The following TTN variants were observed in gnomAD, a reference collection of about 807,000 sequenced individuals.
TTN encodes connectin.
Under a neutral mutation model 3,223.0 loss-of-function variants are expected in TTN, and 1,525 were observed. That is an observed-to-expected ratio of 0.47 (90% CI 0.45 to 0.49). The LOEUF (loss-of-function observed/expected upper bound fraction) is 0.49, where lower values mean the gene tolerates loss of function less well. Among genes scored for constraint, TTN ranks in the 20% least tolerant of loss-of-function variants. The pLI, the probability that TTN is intolerant of heterozygous loss-of-function variation, is 0.00. For synonymous variants in TTN, 14,094 were observed against 15,161.0 expected (o/e 0.93, Z 5.17); for missense variants, 40,786 against 43,424.0 (o/e 0.94, Z 5.40).
At position 178,612,115 on chromosome 2, in the gene TTN, G is replaced by C; in HGVS notation, c.50296C>G (p.Arg16766Gly). 6.2e-7 allele frequency: 1 copy of C among 1,611,924 alleles called. No homozygotes were observed. The highest frequency in any genetic ancestry group is 2.2e-5 in the East Asian group (1 of 44,512). The change falls in exon 267 of 363, where the codon CGA becomes GGA. Residue 16766 changes from arginine to glycine, a missense_variant. Coordinates refer to ENST00000589042, the MANE Select transcript of TTN (RefSeq NM_001267550.2). ...GGCTCCCACTTTAGGTCAACATGTCGTTTTGTCACATCAACCACTGCCAGG... is the reference window on the plus strand; with the variant it reads ...GGCTCCCACTTTAGGTCAACATGTCCTTTTGTCACATCAACCACTGCCAGG... Reference protein sequence around the residue: ...YALAVVDVTKRHVDLKWEPPK... With the variant: ...YALAVVDVTKGHVDLKWEPPK...
intron 260 of TTN, 32 bp downstream of exon 260, chr2:178,614,797 GATTTAAGGTCAGAGGCCT>G: frequency 6.3e-7 from 1 of 1,598,008 alleles, no homozygotes; most frequent in Non-Finnish European, 8.5e-7. Context: ...AGTTCAAGCA[GATTTAAGGTCAGAGGCCT>G]ATTTGATAAG....
At position 178,535,772 on chromosome 2, in the gene TTN, T is replaced by C; in HGVS notation, c.100843A>G (p.Ile33615Val). The C allele has an allele frequency of 6.2e-7, 1 of 1,613,196 alleles. No individual in the cohort carries two copies. The highest frequency in any genetic ancestry group is 8.5e-7 in the Non-Finnish European group (1 of 1,179,720). ...GGTTTGCCACTGAAAGGAATCTTGA[T>C]GCTGACCACTTCACCTCGGAGAGCA... is the stretch of plus-strand genomic sequence containing the variant. ...VHALRGEVVS[I>V]KIPFSGKPDP... The change falls in exon 358 of 363, where the codon ATC becomes GTC. Residue 33615 changes from isoleucine to valine, a missense_variant. By Grantham distance (29) the Ile-to-Val change is conservative. Transcript: ENST00000589042.
In TTN at chr2:178,595,487, A is replaced by AC; in HGVS notation, c.57847+19_57847+20insG. ...TGAGTAAAGAAGTGATTAAGTATAC[A>AC]TTTTTTTTTTTTTACTTACTTATTG... On this transcript the variant is annotated intron_variant, in intron 295 of 362. Transcript: ENST00000589042. 1 of 1,241,378 alleles carries AC rather than the reference A, an allele frequency of 8.1e-7. No individual in the cohort carries two copies. The highest frequency in any genetic ancestry group is 1.1e-6 in the Non-Finnish European group (1 of 895,440). 76.9% of individuals were successfully genotyped at this position (1,241,378 alleles called of 1,614,324 possible).
rs1478154140 is a variant in TTN, at chr2:178,694,925, A to C, written c.31271-19T>G. Reference sequence around the variant, plus strand: ...TTTATAACTGCAAGCATTTTAGAGAAATTGCAGTACTTTTAGAATTCCTAT... The same window carrying C: ...TTTATAACTGCAAGCATTTTAGAGACATTGCAGTACTTTTAGAATTCCTAT... On this transcript the variant is annotated intron_variant, in intron 115 of 362. Transcript: ENST00000589042. 6.7e-7 allele frequency: 1 copy of C among 1,500,558 alleles called. No individual in the cohort carries two copies. Among genetic ancestry groups the C allele is most frequent in the East Asian group, 2.4e-5 (1 of 40,854 alleles). The allele number at this position is 1,500,558 out of a possible 1,614,324, so 93.0% of individuals were successfully genotyped here.
At position 178,552,834 on chromosome 2, in the gene TTN, T is replaced by C. The variant is rs879101681; in HGVS notation, c.90066A>G (p.Thr30022=). 6.2e-7 allele frequency: 1 copy of C among 1,613,758 alleles called. No homozygotes were observed. Among genetic ancestry groups the C allele is most frequent in the African/African-American group, 1.3e-5 (1 of 74,944 alleles). The part of the protein sequence containing the change: ...EIGIGEPCET[T]EPVKAAEVPA... ...GTACTTCAGCAGCCTTCACTGGCTC[T>C]GTAGTTTCACAGGGTTCCCCAATTC... Residue 30022 remains threonine, a synonymous_variant, in exon 335 of 363, where the codon ACA becomes ACG. Coordinates refer to ENST00000589042, the MANE Select transcript of TTN (RefSeq NM_001267550.2).
rs990374887 is a variant in TTN, at chr2:178,540,215, T to C, written c.97951A>G (p.Asn32651Asp). The part of the protein sequence containing the change: ...KVDQHEWTKC[N>D]TTPTKIREYT... ...TCTCGAATCTTGGTTGGAGTGGTGT[T>C]ACACTTGGTCCATTCATGTTGATCT... The change falls in exon 351 of 363, where the codon AAC becomes GAC. Residue 32651 changes from asparagine to aspartate, a missense_variant. Coordinates refer to ENST00000589042, the MANE Select transcript of TTN (RefSeq NM_001267550.2). 3 of 1,613,810 alleles carry C rather than the reference T, an allele frequency of 1.9e-6. No individual in the cohort carries two copies. Among genetic ancestry groups the C allele is most frequent in the Non-Finnish European group, 2.5e-6 (3 of 1,179,762 alleles).
rs759654688 is a variant in TTN, at chr2:178,546,708, G to A, written c.94720C>T (p.Leu31574Phe). 2 of 1,613,824 alleles carry A rather than the reference G, an allele frequency of 1.2e-6. No homozygotes were observed. Among genetic ancestry groups the A allele is most frequent in the Admixed American group, 3.3e-5 (2 of 60,006 alleles). The change falls in exon 341 of 363, where the codon CTC becomes TTC. Residue 31574 changes from leucine (L) to phenylalanine (F), a missense_variant. Leu to Phe is a conservative substitution (Grantham distance 22, BLOSUM62 0). Transcript: ENST00000589042. Reference sequence around the variant, plus strand: ...AACTCATAAGTGTCTCCTTCACTGAGAGCAGTCACGGTGAAGAAATTGTCA... The same window carrying A: ...AACTCATAAGTGTCTCCTTCACTGAAAGCAGTCACGGTGAAGAAATTGTCA... ...VSDNFFTVTA[L>F]SEGDTYEFRV... is the part of the protein sequence containing the mutation.
In TTN at chr2:178,558,193, A is replaced by G. The variant is rs771605613; in HGVS notation, c.87161T>C (p.Val29054Ala). 40 of 1,611,714 alleles carry G rather than the reference A, an allele frequency of 2.5e-5. No homozygotes were observed. Among genetic ancestry groups the G allele is most frequent in the Non-Finnish European group, 3.2e-5 (38 of 1,179,466 alleles). The change falls in exon 328 of 363, where the codon GTA becomes GCA. Residue 29054 changes from valine (V) to alanine (A), a missense_variant. Transcript: ENST00000589042. Reference sequence around the variant, plus strand: ...AAGGTTTGAACCAGCTCTAACATATACAGTGTGACTTGGGAAATTCTTCAT... The same window carrying G: ...AAGGTTTGAACCAGCTCTAACATATGCAGTGTGACTTGGGAAATTCTTCAT... Reference protein sequence around the residue: ...IDMKNFPSHTVYVRAGSNLKV... With the variant: ...IDMKNFPSHTAYVRAGSNLKV...
chr2:178,595,387 G>A (rs1235127902), intron 295 of TTN, 120 bp downstream of exon 295: 2 of 941,078 alleles, frequency 2.1e-6, no homozygotes, highest in Non-Finnish European at 3.2e-6. Flanking sequence ...GAGTAGTTGT[G>A]TGATAACTGC....
At chr2:178,600,337 C>G (rs1240473981) in intron 288 of TTN, 1 of 151,122 alleles carries the variant, frequency 6.6e-6, no homozygotes, top group African/African-American at 2.4e-5. Context: ...ACTACAGTTT[C>G]TTCACACTTA....
rs370257707 is a variant in TTN at position 178,575,708 on chromosome 2, C to T, written c.70424G>A (p.Arg23475His). 7.4e-5 allele frequency: 119 copies of T among 1,613,396 alleles called. No homozygotes were observed. The highest frequency in any genetic ancestry group is 9.4e-5 in the Non-Finnish European group (111 of 1,179,630). ...SRITNYIVEK[R>H]EATRKSYSTA... ...GGAATAAGATTTCCGTGTTGCTTCA[C>T]GTTTCTCTACAATGTAGTTTGTTAT... is the stretch of plus-strand genomic sequence containing the variant. The change falls in exon 326 of 363, where the codon CGT becomes CAT. Residue 23475 changes from arginine (R) to histidine (H), a missense_variant. Arg to His is a conservative substitution (Grantham distance 29). Coordinates refer to ENST00000589042, the MANE Select transcript of TTN (RefSeq NM_001267550.2). This position sits in a 1 kb window ranked among gnomAD's most constrained non-coding sequence, Gnocchi z 4.0.
At chr2:178,706,227 A>G (rs1222365882) in intron 102 of TTN, among the ~76,000 whole-genome samples, 2 of 152,194 alleles carry the variant, frequency 1.3e-5, no homozygotes, top group East Asian at 3.8e-4. Flanking sequence ...ATGGCATAGT[A>G]TTTGCATGTA....
At chr2:178,646,453 TAAAG>T in intron 216 of TTN, 28 bp downstream of exon 216, 6 of 1,418,842 alleles carry the variant, frequency 4.2e-6, no homozygotes, top group Non-Finnish European at 5.8e-6. Flanking sequence ...AAGAATATGA[TAAAG>T]AAGATTTAAG....
In TTN at chr2:178,769,971, A is replaced by C. The variant is rs778709754; in HGVS notation, c.8642-32T>G. 4 of 1,614,140 alleles carry C rather than the reference A, an allele frequency of 2.5e-6. No homozygotes were observed. In the South Asian group the frequency reaches 4.4e-5, roughly 18 times the overall value. On this transcript the variant is annotated intron_variant, in intron 36 of 362. Transcript: ENST00000589042. ...AAAATCAAAGAGCACTTCAGTTAAT[A>C]CAATTTGTTTAAAAAGTAGATGAAA...
chr2:178,675,032 T>C lies in TTN; in HGVS notation c.34612+7A>G. The C allele has an allele frequency of 6.7e-7, 1 of 1,497,780 alleles. No homozygotes were observed. Among genetic ancestry groups the C allele is most frequent in the Non-Finnish European group, 8.9e-7 (1 of 1,123,796 alleles). The allele number at this position is 1,497,780 out of a possible 1,614,324, so 92.8% of individuals were successfully genotyped here. ...TTGAAATGTTATTTTCTTAGAAAGT[T>C]ATCTACCTTCAACTGGTAGAACTTC... On this transcript the variant is annotated splice_region_variant and intron_variant, in intron 150 of 362. Transcript: ENST00000589042.
Position 178,756,746 on chromosome 2 carries a change from T to C in TTN, c.10730A>G (p.Lys3577Arg). The C allele has an allele frequency of 6.2e-7, 1 of 1,613,850 alleles. No homozygotes were observed. Residue 3577 changes from lysine to arginine, a missense_variant, in exon 46 of 363, where the codon AAG becomes AGG. Coordinates refer to ENST00000589042, the MANE Select transcript of TTN (RefSeq NM_001267550.2). ...AGAGGAATCTGCCACTGCCTGGGAC[T>C]TGGTGGACTCTCTTACATCTTTCCC... is the stretch of plus-strand genomic sequence containing the variant. ...SSGKDVREST[K>R]SQAVADSSFT... is the part of the protein sequence containing the mutation.
chr2:178,563,206 A>G lies in TTN; in HGVS notation c.82926T>C (p.Tyr27642=). The part of the protein sequence containing the change: ...TVTKLKENTE[Y]NFRICAINSE... ...AATTGATGGCACAAATACGGAAGTT[A>G]TATTCAGTGTTTTCTTTAAGCTTGG... is the stretch of plus-strand genomic sequence containing the variant. The change falls in exon 326 of 363, where the codon TAT becomes TAC. Residue 27642 remains tyrosine (Y), a synonymous_variant. Coordinates refer to ENST00000589042, the MANE Select transcript of TTN (RefSeq NM_001267550.2). The surrounding 1 kb of genome is among the most constrained non-coding windows in gnomAD (Gnocchi z 4.5). 6.2e-7 allele frequency: 1 copy of G among 1,613,716 alleles called. No individual in the cohort carries two copies. Among genetic ancestry groups the G allele is most frequent in the Non-Finnish European group, 8.5e-7 (1 of 1,179,710 alleles).
chr2:178,778,757 T>A, intron 24 of TTN, 117 bp downstream of exon 24: 1 of 1,429,568 alleles, frequency 7.0e-7, no homozygotes. Context: ...TTGCCAATGG[T>A]AAGTTTCTGT....
At position 178,553,664 on chromosome 2, in the gene TTN, A is replaced by T. The variant is rs765435839; in HGVS notation, c.89341T>A (p.Trp29781Arg). Reference protein sequence around the residue: ...VEIRQGEEEEWTTVSTKGEVR... With the variant: ...VEIRQGEEEERTTVSTKGEVR... ...TCTCCTTTGGTAGAGACAGTAGTCC[A>T]TTCCTCTTCCTCTCCTTGTCTTATC... The change falls in exon 334 of 363, where the codon TGG becomes AGG. Residue 29781 changes from tryptophan to arginine, a missense_variant. Trp to Arg is a moderately radical substitution (Grantham distance 101). Transcript: ENST00000589042. 3.1e-6 allele frequency: 5 copies of T among 1,613,856 alleles called. No homozygotes were observed. The Admixed American group carries it at 8.3e-5, about 27-fold the overall frequency.
Sources: gnomAD v4.1 joint callset for allele counts (sites outside exome capture counted in the v4.1 genomes callset) on GRCh38, gnomAD v4.1.1 for gene constraint, Gnocchi (gnomAD v3.1) non-coding constraint, MANE v1.5 for transcripts, NCBI Gene and HGNC (gene_info 2026-07-23, HGNC 2026-07-21) for gene names.